The following AFF3 variants were observed in gnomAD, a reference collection of about 807,000 sequenced individuals.
AFF3 encodes AF4/FMR2 family member 3.
In AFF3, 32 loss-of-function variants were observed where a neutral mutation model predicts 129.7. That is an observed-to-expected ratio of 0.25 (90% CI 0.19 to 0.33). AFF3 has a LOEUF of 0.33. AFF3 is among the 10% of genes least tolerant of loss of function. The pLI, the probability that AFF3 is intolerant of heterozygous loss-of-function variation, is 1.00. For synonymous variants in AFF3, 644 were observed against 635.4 expected (o/e 1.01, Z -0.20); for missense variants, 1,373 against 1,592.0 (o/e 0.86, Z 2.34).
At chr2:99,751,962 C>T (rs1020580704) in intron 9 of AFF3, among the ~76,000 whole-genome samples, 4 of 152,194 alleles carry the variant, frequency 2.6e-5, no homozygotes, top group African/African-American at 9.7e-5. Context: ...ATTTCAACTT[C>T]ATGAATGTTT....
chr2:99,724,271 C>CTTTCTTTTTTTTTTT (rs1411290883), intron 11 of AFF3, among the ~76,000 whole-genome samples: 7 of 66,862 alleles, frequency 1.0e-4, no homozygotes, highest in Admixed American at 2.5e-4. Context: ...AATGACCTTT[C>CTTTCTTTTTTTTTTT]TTTTTTTTTT....
chr2:99,743,632 T>C (rs1558807349), intron 10 of AFF3, among the ~76,000 whole-genome samples: 1 of 152,232 alleles, frequency 6.6e-6, no homozygotes, highest in African/African-American at 2.4e-5. Flanking sequence ...AAACTGCTTC[T>C]TAGATAGTTG....
intron 8 of AFF3, among the ~76,000 whole-genome samples, chr2:99,777,990 TC>T (rs1684074733): frequency 6.7e-6 from 1 of 149,080 alleles, no homozygotes; most frequent in Non-Finnish European, 1.5e-5. Flanking sequence ...AAAAATTAGT[TC>T]CAGCACTATC....
At chr2:99,640,794 A>G (rs974288003) in intron 13 of AFF3, among the ~76,000 whole-genome samples, 2 of 152,356 alleles carry the variant, frequency 1.3e-5, no homozygotes, top group Non-Finnish European at 1.5e-5. Context: ...AGACATAAAT[A>G]AAGGAGGCAG....
intron 7 of AFF3, among the ~76,000 whole-genome samples, chr2:99,895,103 T>C (rs992317968): frequency 6.6e-6 from 1 of 152,214 alleles, no homozygotes; most frequent in African/African-American, 2.4e-5. Flanking sequence ...GAACTTCTTC[T>C]GTATAAGAAA....
chr2:99,927,763 G>C (rs1696366404), intron 7 of AFF3, among the ~76,000 whole-genome samples: 1 of 152,152 alleles, frequency 6.6e-6, no homozygotes, highest in Non-Finnish European at 1.5e-5. Context: ...TAAATACTAA[G>C]TGTCCTAATC....
intron 11 of AFF3, among the ~76,000 whole-genome samples, chr2:99,718,188 A>G (rs950991655): frequency 6.6e-6 from 1 of 152,182 alleles, no homozygotes; most frequent in Non-Finnish European, 1.5e-5. Flanking sequence ...CTGTAAAACC[A>G]TTTTCTATAA....
intron 7 of AFF3, among the ~76,000 whole-genome samples, chr2:99,941,532 C>T (rs954049166): frequency 2.0e-5 from 3 of 152,220 alleles, no homozygotes; most frequent in African/African-American, 4.8e-5. Flanking sequence ...CTAACAGCCC[C>T]TGAATTTTGT....
intron 20 of AFF3, among the ~76,000 whole-genome samples, chr2:99,562,930 C>T (rs897307903): frequency 1.1e-4 from 17 of 152,154 alleles, no homozygotes; most frequent in South Asian, 2.1e-4. Context: ...GTACTGCCTG[C>T]GGAGAGTGGA....
intron 13 of AFF3, among the ~76,000 whole-genome samples, chr2:99,619,941 G>A (rs886151375): frequency 2.0e-5 from 3 of 152,166 alleles, no homozygotes; most frequent in African/African-American, 4.8e-5. Context: ...GATGGAGGAC[G>A]ACCAACCTCC....
intron 8 of AFF3, among the ~76,000 whole-genome samples, chr2:99,779,419 T>C (rs113027639): frequency 1.3e-5 from 2 of 152,380 alleles, no homozygotes; most frequent in African/African-American, 4.8e-5. Flanking sequence ...ATAAATATGC[T>C]CATAATATTA....
intron 11 of AFF3, among the ~76,000 whole-genome samples, chr2:99,700,569 A>C (rs1197170364): frequency 6.6e-6 from 1 of 152,260 alleles, no homozygotes; most frequent in African/African-American, 2.4e-5. Context: ...TTACATTCTT[A>C]AAAGCCACCC....
At position 99,545,659 on chromosome 2, in the gene AFF3, A is replaced by G. The variant is rs1674055741; in HGVS notation, c.*5815T>C. ...GTACTGACTGGCAATTAGTGCCCTG[A>G]ATTCAACCCTCAGATCAATGTCTAT... On this transcript the variant is annotated 3_prime_UTR_variant, in exon 25 of 25. Coordinates refer to ENST00000672756, the MANE Select transcript of AFF3 (RefSeq NM_001386135.1). 6.3e-6 allele frequency: 1 copy of G among 159,408 alleles called. No individual in the cohort carries two copies. The highest frequency in any genetic ancestry group is 1.4e-5 in the Non-Finnish European group (1 of 72,368). 9.9% of individuals were successfully genotyped at this position (159,408 alleles called of 1,614,324 possible). A position where few individuals can be genotyped will look rare whatever the true frequency, so the allele number is the denominator to read the frequency against.
chr2:99,903,381 GAGTACA>G (rs1694488842), intron 7 of AFF3, among the ~76,000 whole-genome samples: 1 of 152,116 alleles, frequency 6.6e-6, no homozygotes, highest in Non-Finnish European at 1.5e-5. Context: ...AATACTTTTT[GAGTACA>G]GGAAGAAATA....
intron 11 of AFF3, among the ~76,000 whole-genome samples, chr2:99,677,591 A>C (rs1210739161): frequency 6.6e-6 from 1 of 152,134 alleles, no homozygotes; most frequent in Non-Finnish European, 1.5e-5. Context: ...CCCCAGCTGC[A>C]CTCGCTCACG....
chr2:99,707,297 G>A (rs1677491986), intron 11 of AFF3: 2 of 985,036 alleles, frequency 2.0e-6, no homozygotes, highest in African/African-American at 1.7e-5. Flanking sequence ...AATTTGTCTG[G>A]TTAGAGATTA....
intron 7 of AFF3, among the ~76,000 whole-genome samples, chr2:99,849,830 T>C (rs1461182895): frequency 6.6e-6 from 1 of 152,188 alleles, no homozygotes; most frequent in Non-Finnish European, 1.5e-5. Flanking sequence ...AAATGATGGA[T>C]TGGTTGCTCA....
intron 8 of AFF3, among the ~76,000 whole-genome samples, chr2:99,832,778 C>T (rs1688599850): frequency 6.6e-6 from 1 of 152,196 alleles, no homozygotes. Flanking sequence ...CTCCATCGGG[C>T]TGACTTTTGT....
rs148805678 is a variant in AFF3 at position 99,783,588 on chromosome 2, C to T, written c.922-31287G>A. Among the ~76,000 whole-genome samples the T allele has an allele frequency of 9.1e-4, 138 of 152,302 alleles. No homozygotes were observed. In the East Asian group the frequency reaches 0.018, roughly 20 times the overall value. ...AGGACTAAGCCATGCTGGCCACTGA[C>T]GAAATACGTGTTCTTTTATTAACCA... On this transcript the variant is annotated intron_variant, in intron 8 of 24. Transcript: ENST00000672756.
Sources: gnomAD v4.1 joint callset for allele counts (sites outside exome capture counted in the v4.1 genomes callset) on GRCh38, gnomAD v4.1.1 for gene constraint, MANE v1.5 for transcripts, NCBI Gene and HGNC (gene_info 2026-07-23, HGNC 2026-07-21) for gene names.